VSNL1: variants seen among roughly 807,000 people sequenced by gnomAD.
VSNL1 encodes the protein visinin like 1.
Under a neutral mutation model 20.4 loss-of-function variants are expected in VSNL1, and 6 were observed. The ratio of observed to expected loss-of-function variants is 0.29; its 90% CI spans 0.16 to 0.58. The LOEUF (loss-of-function observed/expected upper bound fraction) is 0.58, where lower values mean the gene tolerates loss of function less well. VSNL1 is among the 20% of genes least tolerant of loss of function. VSNL1 has a pLI of 0.90. For synonymous variants in VSNL1, 93 were observed against 86.4 expected, an observed-to-expected ratio of 1.08 and a Z score of -0.42; for missense variants, 100 against 234.5, an observed-to-expected ratio of 0.43 and a Z score of 3.75.
intron 2 of VSNL1, among the ~76,000 whole-genome samples, chr2:17,607,728 A>G (rs1664979545): frequency 6.6e-6 from 1 of 152,226 alleles, no homozygotes; most frequent in Non-Finnish European, 1.5e-5. Context: ...TCAATAACAA[A>G]AATTAGTTGG....
chr2:17,592,184 A>G lies in VSNL1; in HGVS notation c.110A>G (p.Asp37Gly). 1 of 1,613,882 alleles carries G rather than the reference A, an allele frequency of 6.2e-7. No individual in the cohort carries two copies. The highest frequency in any genetic ancestry group is 8.5e-7 in the Non-Finnish European group (1 of 1,179,812). Residue 37 changes from aspartate to glycine, a missense_variant, in exon 2 of 4, where the codon GAC becomes GGC. Transcript: ENST00000295156. ...CAGTGGTACAAAGGATTTCTCAAGGACTGTCCAAGTGGGAGGCTAAATCTC... is the reference window on the plus strand; with the variant it reads ...CAGTGGTACAAAGGATTTCTCAAGGGCTGTCCAAGTGGGAGGCTAAATCTC... ...LKQWYKGFLK[D>G]CPSGRLNLEE... is the part of the protein sequence containing the mutation.
intron 2 of VSNL1, among the ~76,000 whole-genome samples, chr2:17,614,624 G>A (rs925510777): frequency 6.6e-6 from 1 of 152,196 alleles, no homozygotes; most frequent in African/African-American, 2.4e-5. Context: ...CTCAGGGTCA[G>A]ATCCAGGGCA....
intron 1 of VSNL1, among the ~76,000 whole-genome samples, chr2:17,549,567 A>G (rs188474050): frequency 1.1e-3 from 171 of 152,328 alleles, no homozygotes; most frequent in African/African-American, 3.9e-3. Context: ...TCAAGTGCAT[A>G]ATTGAAAGGG....
chr2:17,625,840 ATTTTTTTT>A (rs35795117), intron 2 of VSNL1, among the ~76,000 whole-genome samples: 3 of 108,542 alleles, frequency 2.8e-5, no homozygotes, highest in African/African-American at 1.1e-4. Flanking sequence ...TCCTTAGCTG[ATTTTTTTT>A]TTTTTTTTTT....
Position 17,649,871 on chromosome 2 carries a change from C to G in VSNL1, c.378+246C>G, listed in dbSNP as rs961574684. ...ATCTGCCATTCACTCACTACTGGATCTCCCACGAACCTGTCTTACTGTGCA... is the reference window on the plus strand; with the variant it reads ...ATCTGCCATTCACTCACTACTGGATGTCCCACGAACCTGTCTTACTGTGCA... On this transcript the variant is annotated intron_variant, in intron 3 of 3. Coordinates refer to ENST00000295156, the MANE Select transcript of VSNL1 (RefSeq NM_003385.5). The surrounding 1 kb of genome is among the most constrained non-coding windows in gnomAD (Gnocchi z 6.4). Among the ~76,000 whole-genome samples the G allele has an allele frequency of 6.6e-6, 1 of 152,208 alleles. No individual in the cohort carries two copies. Among genetic ancestry groups the G allele is most frequent in the African/African-American group, 2.4e-5 (1 of 41,454 alleles).
chr2:17,564,322 T>C (rs1052540030), intron 1 of VSNL1, among the ~76,000 whole-genome samples: 3 of 152,218 alleles, frequency 2.0e-5, no homozygotes, highest in African/African-American at 2.4e-5. Flanking sequence ...AAAGGAACTA[T>C]GTCTGGATAG....
At position 17,656,196 on chromosome 2, in the gene VSNL1, T is replaced by A. The variant is rs531896623; in HGVS notation, c.*802T>A. On this transcript the variant is annotated 3_prime_UTR_variant, in exon 4 of 4. Transcript: ENST00000295156. ...TTATAACAATTGATTTTCCCCCTAA[T>A]TCTTATTTTATAATTTTAAAATTGC... 1 of 152,320 alleles carries A rather than the reference T, an allele frequency of 6.6e-6. No homozygotes were observed. The highest frequency in any genetic ancestry group is 2.4e-5 in the African/African-American group (1 of 41,556). 9.4% of individuals were successfully genotyped at this position (152,320 alleles called of 1,614,324 possible). A position where few individuals can be genotyped will look rare whatever the true frequency, so the allele number is the denominator to read the frequency against.
At chr2:17,578,644 G>C (rs1412208302) in intron 1 of VSNL1, among the ~76,000 whole-genome samples, 2 of 152,220 alleles carry the variant, frequency 1.3e-5, no homozygotes, top group Non-Finnish European at 2.9e-5. Context: ...GGCTGGGAGG[G>C]AGGCAGGTGG....
At chr2:17,558,256 C>T (rs1346457704) in intron 1 of VSNL1, among the ~76,000 whole-genome samples, 1 of 152,300 alleles carries the variant, frequency 6.6e-6, no homozygotes, top group South Asian at 2.1e-4. Context: ...GTTTTATAAT[C>T]AAGCCAACAT....
intron 1 of VSNL1, among the ~76,000 whole-genome samples, chr2:17,548,998 ATAATGTCAGAGGACATCT>A (rs1454324592): frequency 6.6e-6 from 1 of 152,210 alleles, no homozygotes; most frequent in Non-Finnish European, 1.5e-5. Flanking sequence ...CTCTTCATAA[ATAATGTCAGAGGACATCT>A]GACAGTGCTT....
chr2:17,553,390 C>A (rs1473799297), intron 1 of VSNL1, among the ~76,000 whole-genome samples: 1 of 152,010 alleles, frequency 6.6e-6, no homozygotes, highest in African/African-American at 2.4e-5. Context: ...TAACTTCATA[C>A]CGATTAAAAC....
intron 3 of VSNL1, among the ~76,000 whole-genome samples, chr2:17,650,335 G>T (rs1467267913): frequency 6.6e-6 from 1 of 152,126 alleles, no homozygotes; most frequent in African/African-American, 2.4e-5. Flanking sequence ...TACCAAGAGG[G>T]GTTTTGTCCC....
At chr2:17,554,887 A>G (rs1237441798) in intron 1 of VSNL1, among the ~76,000 whole-genome samples, 2 of 152,218 alleles carry the variant, frequency 1.3e-5, no homozygotes, top group Non-Finnish European at 2.9e-5. Context: ...ATTTTTAATA[A>G]CATTATAGCA....
intron 1 of VSNL1, among the ~76,000 whole-genome samples, chr2:17,542,969 A>T (rs1040299240): frequency 6.6e-6 from 1 of 152,216 alleles, no homozygotes; most frequent in Non-Finnish European, 1.5e-5. Context: ...ATTAAAAAGT[A>T]ATGTTGAGTG....
chr2:17,644,308 C>G (rs1665947968), intron 2 of VSNL1, among the ~76,000 whole-genome samples: 1 of 152,316 alleles, frequency 6.6e-6, no homozygotes, highest in Non-Finnish European at 1.5e-5. Flanking sequence ...CCCGACCACC[C>G]CACGTGAAGG....
At chr2:17,633,921 A>G (rs77184568) in intron 2 of VSNL1, among the ~76,000 whole-genome samples, 7,687 of 152,296 alleles carry the variant, frequency 0.05, 219 homozygotes, top group Middle Eastern at 0.095. Context: ...CAAGAAGTGA[A>G]GGGGCAAGAG....
At position 17,592,125 on chromosome 2, in the gene VSNL1, G is replaced by C. The variant is rs769889226; in HGVS notation, c.51G>C (p.Val17=). ...KLAPEVMEDL[V]KSTEFNEHEL... is the part of the protein sequence containing the mutation. Reference sequence around the variant, plus strand: ...CCCCTGAAGTGATGGAGGACCTGGTGAAGAGCACAGAGTTTAATGAGCATG... The same window carrying C: ...CCCCTGAAGTGATGGAGGACCTGGTCAAGAGCACAGAGTTTAATGAGCATG... The change falls in exon 2 of 4, where the codon GTG becomes GTC. Residue 17 remains valine (V), a synonymous_variant. Coordinates refer to ENST00000295156, the MANE Select transcript of VSNL1 (RefSeq NM_003385.5). 1 of 1,613,904 alleles carries C rather than the reference G, an allele frequency of 6.2e-7. No homozygotes were observed. The highest frequency in any genetic ancestry group is 1.1e-5 in the South Asian group (1 of 91,072).
At chr2:17,605,111 T>A (rs893313245) in intron 2 of VSNL1, among the ~76,000 whole-genome samples, 1 of 152,208 alleles carries the variant, frequency 6.6e-6, no homozygotes, top group African/African-American at 2.4e-5. Context: ...AGCTGCCCAA[T>A]GGCTCTTCAT....
upstream of VSNL1, chr2:17,540,039 C>A (rs765832801): frequency 6.6e-6 from 1 of 152,140 alleles, no homozygotes; most frequent in Non-Finnish European, 1.5e-5. Flanking sequence ...CTTTAACACA[C>A]ATTTTTTCAA....
Sources: allele counts gnomAD v4.1 joint callset (sites outside exome capture counted in the v4.1 genomes callset), GRCh38; gene constraint gnomAD v4.1.1; non-coding constraint Gnocchi (gnomAD v3.1); transcripts MANE v1.5; gene names NCBI Gene and HGNC (gene_info 2026-07-23, HGNC 2026-07-21).